The following PDE4D variants were observed in gnomAD, a reference collection of about 807,000 sequenced individuals.
The protein encoded by PDE4D is 3',5'-cyclic-AMP phosphodiesterase 4D.
In PDE4D, 24 loss-of-function variants were observed where a neutral mutation model predicts 87.4. The observed-to-expected ratio is 0.27, with a 90% CI of 0.20 to 0.39. The LOEUF is 0.39. PDE4D is among the 10% of genes least tolerant of loss of function. The pLI, the probability that PDE4D is intolerant of heterozygous loss-of-function variation, is 1.00. For missense variants in PDE4D, 714 were observed against 1,041.0 expected (o/e 0.69, Z 4.32); for synonymous variants, 384 against 383.2 (o/e 1.00, Z -0.02).
chr5:60,311,011 A>T (rs923122466), intron 1 of PDE4D, among the ~76,000 whole-genome samples: 4 of 149,062 alleles, frequency 2.7e-5, no homozygotes, highest in African/African-American at 7.6e-5. Context: ...AACTCATTAA[A>T]ATAAGTCTTT....
chr5:59,879,802 G>A (rs936613344), intron 1 of PDE4D, among the ~76,000 whole-genome samples: 12 of 152,090 alleles, frequency 7.9e-5, no homozygotes, highest in Non-Finnish European at 1.0e-4. Flanking sequence ...GTGCAGTGGC[G>A]CAATCTCTGC....
chr5:60,067,416 T>C (rs973960974), intron 2 of PDE4D, among the ~76,000 whole-genome samples: 3 of 152,090 alleles, frequency 2.0e-5, no homozygotes, highest in African/African-American at 7.2e-5. Flanking sequence ...AATTTCCTTA[T>C]AAATTGCTCT....
intron 1 of PDE4D, among the ~76,000 whole-genome samples, chr5:60,338,036 G>A (rs1757972071): frequency 6.6e-6 from 1 of 152,134 alleles, no homozygotes; most frequent in Non-Finnish European, 1.5e-5. Flanking sequence ...CTCAGGAAAA[G>A]TTAAAAATGC....
intron 1 of PDE4D, among the ~76,000 whole-genome samples, chr5:60,499,226 G>C (rs1179639875): frequency 6.6e-6 from 1 of 152,214 alleles, no homozygotes; most frequent in African/African-American, 2.4e-5. Context: ...CACAACAGTG[G>C]TGATTAGTTT....
At chr5:59,048,269 CTTG>C (rs1278549628) in intron 5 of PDE4D, among the ~76,000 whole-genome samples, 1 of 152,160 alleles carries the variant, frequency 6.6e-6, no homozygotes, top group African/African-American at 2.4e-5. Context: ...TTTACGTATT[CTTG>C]TTGTAATTTT....
At chr5:59,052,287 T>G (rs75930961) in intron 5 of PDE4D, among the ~76,000 whole-genome samples, 1 of 152,072 alleles carries the variant, frequency 6.6e-6, no homozygotes, top group African/African-American at 2.4e-5. Context: ...TTAATGGCTG[T>G]GGGAGGAGGG....
intron 1 of PDE4D, among the ~76,000 whole-genome samples, chr5:60,389,190 TC>T (rs1172957638): frequency 3.3e-5 from 5 of 152,146 alleles, no homozygotes; most frequent in African/African-American, 1.2e-4. Flanking sequence ...CCCTCTTCCT[TC>T]CCTAAGCTTA....
intron 1 of PDE4D, among the ~76,000 whole-genome samples, chr5:59,425,668 A>T (rs1795094071): frequency 6.6e-6 from 1 of 152,228 alleles, no homozygotes. Context: ...GTTGAATTTG[A>T]TAAAGATTTA....
chr5:59,422,756 T>C (rs1479790987), intron 1 of PDE4D, among the ~76,000 whole-genome samples: 2 of 152,214 alleles, frequency 1.3e-5, no homozygotes, highest in Non-Finnish European at 2.9e-5. Context: ...ATTCCACTCC[T>C]TTTGGCAAGC....
At chr5:59,427,012 C>T (rs1248313005) in intron 1 of PDE4D, among the ~76,000 whole-genome samples, 2 of 52,988 alleles carry the variant, frequency 3.8e-5, no homozygotes, top group African/African-American at 3.1e-4. Context: ...CACACACACA[C>T]ACACACACAC....
At chr5:60,134,331 C>A (rs879459998) in intron 2 of PDE4D, among the ~76,000 whole-genome samples, 1 of 152,030 alleles carries the variant, frequency 6.6e-6, no homozygotes, top group African/African-American at 2.4e-5. Context: ...TGTAGAGACC[C>A]CATCTCCACA....
At chr5:60,208,256 T>A (rs989459485) in intron 1 of PDE4D, among the ~76,000 whole-genome samples, 11 of 152,154 alleles carry the variant, frequency 7.2e-5, no homozygotes, top group African/African-American at 2.7e-4. Context: ...CAATTTTAGA[T>A]AGCATGCCCA....
chr5:59,944,004 G>A (rs996727940), intron 3 of PDE4D, among the ~76,000 whole-genome samples: 1 of 152,188 alleles, frequency 6.6e-6, no homozygotes, highest in Non-Finnish European at 1.5e-5. Flanking sequence ...CTAAAATGCT[G>A]ACATATCTAT....
At chr5:60,056,246 T>C (rs577653035) in intron 2 of PDE4D, among the ~76,000 whole-genome samples, 2 of 152,170 alleles carry the variant, frequency 1.3e-5, no homozygotes, top group Admixed American at 6.6e-5. Flanking sequence ...CAGTTCATAA[T>C]ACAGAAAATC....
At chr5:59,941,097 G>T (rs1167443526) in intron 3 of PDE4D, among the ~76,000 whole-genome samples, 1 of 152,198 alleles carries the variant, frequency 6.6e-6, no homozygotes, top group African/African-American at 2.4e-5. Flanking sequence ...TGGTTGTTTA[G>T]TGAGGGGCTG....
intron 3 of PDE4D, among the ~76,000 whole-genome samples, chr5:59,955,905 C>T (rs1429443538): frequency 6.6e-6 from 1 of 152,076 alleles, no homozygotes; most frequent in Non-Finnish European, 1.5e-5. Context: ...ATTAAACGGC[C>T]CTGTATTTTA....
chr5:59,347,252 A>C (rs1285814261), intron 1 of PDE4D, among the ~76,000 whole-genome samples: 1 of 152,156 alleles, frequency 6.6e-6, no homozygotes, highest in Non-Finnish European at 1.5e-5. Flanking sequence ...TACCCTATAT[A>C]AACAAACTCT....
chr5:59,189,244 G>GTTTTTT (rs1392753870), intron 3 of PDE4D, among the ~76,000 whole-genome samples: 7 of 91,390 alleles, frequency 7.7e-5, no homozygotes, highest in Admixed American at 2.6e-4. Flanking sequence ...TTTTTTTTTT[G>GTTTTTT]TTTTTTTTGT....
chr5:59,185,689 G>A (rs1002494474), intron 3 of PDE4D, among the ~76,000 whole-genome samples: 8 of 152,188 alleles, frequency 5.3e-5, no homozygotes, highest in Non-Finnish European at 1.2e-4. Context: ...ATAATAATAA[G>A]TTGGCAAGTG....
Sources: gnomAD v4.1 joint callset for allele counts (sites outside exome capture counted in the v4.1 genomes callset) on GRCh38, gnomAD v4.1.1 for gene constraint, MANE v1.5 for transcripts, NCBI Gene and HGNC (gene_info 2026-07-23, HGNC 2026-07-21) for gene names.